The following CFAP299 variants were observed in gnomAD, a reference collection of about 807,000 sequenced individuals.
The protein encoded by CFAP299 is cilia and flagella associated protein 299, also known as cilia- and flagella-associated protein 299.
A neutral mutation model predicts 27.0 loss-of-function variants in CFAP299; 21 were observed. The observed-to-expected ratio is 0.78, with a 90% CI of 0.55 to 1.12. The LOEUF is 1.12. Among genes scored for constraint, CFAP299 ranks in the 50% most tolerant of loss-of-function variants. CFAP299 has a pLI of 0.00. For missense variants in CFAP299, 310 were observed against 276.6 expected (o/e 1.12, Z -0.86); for synonymous variants, 104 against 98.1 (o/e 1.06, Z -0.36).
chr4:80,468,243 A>C, intron 2 of CFAP299, among the ~76,000 whole-genome samples: 1 of 149,976 alleles, frequency 6.7e-6, no homozygotes, highest in East Asian at 2.0e-4. Flanking sequence ...TTTTTGAGAC[A>C]GAATCTTGCT....
intron 3 of CFAP299, among the ~76,000 whole-genome samples, chr4:80,691,411 T>C (rs1190387385): frequency 1.3e-5 from 2 of 148,832 alleles, no homozygotes; most frequent in Non-Finnish European, 3.0e-5. Flanking sequence ...ATAAATGTAA[T>C]CCAGCATATA....
Position 80,729,488 on chromosome 4 carries a change from G to T in CFAP299, c.334-140505G>T, listed in dbSNP as rs375664474. On this transcript the variant is annotated intron_variant, in intron 3 of 5. Transcript: ENST00000358105. ...TAAAAAGACCGTGGCTTCCTTCTTG[G>T]GCACTCTTAGGTCACTCACCCTGAG... Among the ~76,000 whole-genome samples the T allele has an allele frequency of 1.3e-4, 20 of 152,112 alleles. No homozygotes were observed. The South Asian group carries it at 3.9e-3, about 30-fold the overall frequency.
chr4:80,736,797 G>A (rs1206121232), intron 3 of CFAP299, among the ~76,000 whole-genome samples: 1 of 152,250 alleles, frequency 6.6e-6, no homozygotes, highest in Admixed American at 6.5e-5. Context: ...ATTTGACCCA[G>A]CCATCCCATT....
chr4:80,521,407 T>C (rs1318778622), intron 2 of CFAP299, among the ~76,000 whole-genome samples: 1 of 152,210 alleles, frequency 6.6e-6, no homozygotes, highest in Non-Finnish European at 1.5e-5. Context: ...TTTAATTTTA[T>C]GACATAGTCT....
intron 1 of CFAP299, among the ~76,000 whole-genome samples, chr4:80,342,924 G>A (rs1173014853): frequency 2.0e-5 from 3 of 152,144 alleles, no homozygotes; most frequent in Non-Finnish European, 4.4e-5. Flanking sequence ...CTGTATTCAA[G>A]AGACCCATCT....
chr4:80,445,752 C>G (rs1389828279), intron 2 of CFAP299, among the ~76,000 whole-genome samples: 1 of 151,912 alleles, frequency 6.6e-6, no homozygotes, highest in East Asian at 1.9e-4. Flanking sequence ...TCAGATTAAG[C>G]AAATATGTAC....
chr4:80,404,702 G>A (rs1342652349), intron 2 of CFAP299, among the ~76,000 whole-genome samples: 1 of 152,176 alleles, frequency 6.6e-6, no homozygotes, highest in African/African-American at 2.4e-5. Flanking sequence ...CACTTGGGTT[G>A]CTTCTATCTT....
chr4:80,423,014 A>G (rs1201460031), intron 2 of CFAP299, among the ~76,000 whole-genome samples: 2 of 152,240 alleles, frequency 1.3e-5, no homozygotes, highest in Admixed American at 6.5e-5. Context: ...ATGTAACACA[A>G]TGATATTTGT....
intron 1 of CFAP299, among the ~76,000 whole-genome samples, chr4:80,354,519 CTT>C (rs572171565): frequency 1.3e-5 from 2 of 151,760 alleles, no homozygotes; most frequent in Non-Finnish European, 2.9e-5. Flanking sequence ...ATATATATGA[CTT>C]TTTTTTCACT....
chr4:80,693,374 A>G (rs569083572), intron 3 of CFAP299, among the ~76,000 whole-genome samples: 17 of 152,148 alleles, frequency 1.1e-4, no homozygotes, highest in Non-Finnish European at 2.2e-4. Flanking sequence ...GCCATAAAAA[A>G]TGATGAGTTT....
chr4:80,364,948 A>G (rs921646705), intron 2 of CFAP299, among the ~76,000 whole-genome samples: 4 of 152,072 alleles, frequency 2.6e-5, no homozygotes, highest in African/African-American at 9.7e-5. Flanking sequence ...CATTCTTTTT[A>G]TGGCTGCATA....
chr4:80,386,888 C>T, intron 2 of CFAP299: 3 of 846,404 alleles, frequency 3.5e-6, no homozygotes, highest in Non-Finnish European at 6.2e-6. Context: ...ACTCGCACAC[C>T]GAGCATTTGT....
chr4:80,624,025 C>T (rs1738746873), intron 3 of CFAP299, among the ~76,000 whole-genome samples: 1 of 152,060 alleles, frequency 6.6e-6, no homozygotes, highest in South Asian at 2.1e-4. Flanking sequence ...CAGAAAAATG[C>T]CAGTCTGCTA....
intron 2 of CFAP299, among the ~76,000 whole-genome samples, chr4:80,424,461 C>A (rs916194920): frequency 5.3e-5 from 8 of 152,098 alleles, no homozygotes; most frequent in Admixed American, 3.9e-4. Flanking sequence ...GGGTCACTGG[C>A]GATCAGCATT....
At chr4:80,894,095 G>A (rs928673128) in intron 4 of CFAP299, among the ~76,000 whole-genome samples, 1 of 151,702 alleles carries the variant, frequency 6.6e-6, no homozygotes, top group Non-Finnish European at 1.5e-5. Context: ...CGTACATATG[G>A]CCTACAGATA....
In CFAP299 at chr4:80,591,104, A is replaced by T. The variant is rs1031413352; in HGVS notation, c.333+7921A>T. Among the ~76,000 whole-genome samples the T allele has an allele frequency of 2.6e-5, 3 of 116,498 alleles. 1 individual carries two copies. Among genetic ancestry groups the T allele is most frequent in the Non-Finnish European group, 3.4e-5 (2 of 58,340 alleles). The allele number at this position is 116,498 out of a possible 152,430, so 76.4% of individuals were successfully genotyped here. A position where few individuals can be genotyped will look rare whatever the true frequency, so the allele number is the denominator to read the frequency against. On this transcript the variant is annotated intron_variant, in intron 3 of 5. Coordinates refer to ENST00000358105, the MANE Select transcript of CFAP299 (RefSeq NM_152770.3). ...AGAAACAGATTATAATACTTTAGGA[A>T]ATTTTTTTTTTTTTTTTTTTTTTTT...
At chr4:80,501,419 CTATATAAT>C (rs1731736632) in intron 2 of CFAP299, among the ~76,000 whole-genome samples, 1 of 146,454 alleles carries the variant, frequency 6.8e-6, no homozygotes, top group African/African-American at 2.5e-5. Context: ...TTTCATATAA[CTATATAAT>C]TATATAAATT....
At chr4:80,799,727 TAA>T (rs1264625644) in intron 3 of CFAP299, among the ~76,000 whole-genome samples, 47 of 52,728 alleles carry the variant, frequency 8.9e-4, no homozygotes, top group African/African-American at 3.7e-3. Flanking sequence ...TTATATTTTA[TAA>T]ATATATATAT....
intron 1 of CFAP299, chr4:80,336,689 A>G (rs377700752): frequency 6.6e-6 from 1 of 152,244 alleles, no homozygotes; most frequent in African/African-American, 2.4e-5. Flanking sequence ...GATGGCTCCT[A>G]AAGTCCCAGT....
Sources: gnomAD v4.1 joint callset for allele counts (sites outside exome capture counted in the v4.1 genomes callset) on GRCh38, gnomAD v4.1.1 for gene constraint, MANE v1.5 for transcripts, NCBI Gene and HGNC (gene_info 2026-07-23, HGNC 2026-07-21) for gene names.